GMDS: variants seen among roughly 807,000 people sequenced by gnomAD.
GMDS encodes the protein GDP-mannose 4,6-dehydratase, also known as GDP-mannose 4,6 dehydratase.
In GMDS, 20 loss-of-function variants were observed where a neutral mutation model predicts 49.9. The observed-to-expected ratio is 0.40, with a 90% confidence interval of 0.28 to 0.58. The LOEUF (loss-of-function observed/expected upper bound fraction) is 0.58, where lower values mean the gene tolerates loss of function less well. Ranked by LOEUF, GMDS falls within the 20% of genes least tolerant of loss-of-function variation. The pLI, the probability that GMDS is intolerant of heterozygous loss-of-function variation, is 0.42. For missense variants in GMDS, 362 were observed against 481.4 expected (o/e 0.75, Z 2.32); for synonymous variants, 177 against 178.6 (o/e 0.99, Z 0.07).
At chr6:2,012,102 C>T (rs541131174) in intron 4 of GMDS, among the ~76,000 whole-genome samples, 7 of 152,030 alleles carry the variant, frequency 4.6e-5, no homozygotes, top group East Asian at 1.9e-4. Flanking sequence ...AAAGATATCA[C>T]AGACTTGGAA....
chr6:2,091,627 A>G (rs1478186013), intron 4 of GMDS, among the ~76,000 whole-genome samples: 3 of 152,248 alleles, frequency 2.0e-5, no homozygotes, highest in Admixed American at 6.5e-5. Flanking sequence ...TGCTTGGCAG[A>G]TAAGAATCAG....
intron 4 of GMDS, among the ~76,000 whole-genome samples, chr6:1,983,859 C>A (rs1306397515): frequency 6.6e-6 from 1 of 152,172 alleles, no homozygotes; most frequent in Admixed American, 6.5e-5. Context: ...ATCCAGCAAT[C>A]CCATTACTGG....
At chr6:1,807,023 C>T (rs1175195656) in intron 7 of GMDS, among the ~76,000 whole-genome samples, 4 of 152,018 alleles carry the variant, frequency 2.6e-5, no homozygotes, top group Admixed American at 2.0e-4. Context: ...AGTTTTTATG[C>T]TTTGAAAAAG....
At chr6:1,993,583 C>A (rs913823113) in intron 4 of GMDS, among the ~76,000 whole-genome samples, 2 of 152,168 alleles carry the variant, frequency 1.3e-5, no homozygotes, top group South Asian at 2.1e-4. Flanking sequence ...AAAAGTGCGA[C>A]GGAAGCTCTG....
chr6:1,929,793 A>C (rs1415006590), intron 7 of GMDS, among the ~76,000 whole-genome samples: 1 of 152,212 alleles, frequency 6.6e-6, no homozygotes, highest in Non-Finnish European at 1.5e-5. Flanking sequence ...TTATACCCCC[A>C]AAATAAAGAG....
chr6:1,696,668 C>T (rs2113351662), intron 9 of GMDS, among the ~76,000 whole-genome samples: 1 of 152,312 alleles, frequency 6.6e-6, no homozygotes, highest in African/African-American at 2.4e-5. Context: ...AAGTGAGGCT[C>T]AGAGGGGTTA....
chr6:1,778,496 A>G lies in GMDS; in HGVS notation c.772-35910T>C, dbSNP rs145699031. Among the ~76,000 whole-genome samples the G allele has an allele frequency of 5.3e-4, 80 of 152,290 alleles. 1 individual carries two copies. In the East Asian group the frequency reaches 0.014, roughly 27 times the overall value. On this transcript the variant is annotated intron_variant, in intron 7 of 10. Transcript: ENST00000380815. The surrounding 1 kb of genome is among the most constrained non-coding windows in gnomAD (Gnocchi z 4.6). ...TCAAGAGGAGGGGGCAGCCTTCCTG[A>G]CCTGGAACTTACTCCAGCCTGGAGT...
At chr6:1,672,445 A>G (rs1488596520) in intron 9 of GMDS, among the ~76,000 whole-genome samples, 1 of 152,228 alleles carries the variant, frequency 6.6e-6, no homozygotes, top group Non-Finnish European at 1.5e-5. Flanking sequence ...GAGAGTGATG[A>G]TTCTTCCAAC....
intron 4 of GMDS, among the ~76,000 whole-genome samples, chr6:2,020,902 C>T (rs905710181): frequency 2.0e-5 from 3 of 152,200 alleles, no homozygotes; most frequent in Non-Finnish European, 4.4e-5. Flanking sequence ...AAACTTTAAA[C>T]CCCAGCGCTG....
intron 7 of GMDS, among the ~76,000 whole-genome samples, chr6:1,774,896 G>C (rs1220500346): frequency 1.3e-5 from 2 of 152,252 alleles, no homozygotes; most frequent in Non-Finnish European, 2.9e-5. Context: ...CAGTTCATCA[G>C]AGGCAAGGCC....
chr6:2,067,290 T>TA (rs1414454351), intron 4 of GMDS, among the ~76,000 whole-genome samples: 1 of 152,014 alleles, frequency 6.6e-6, no homozygotes, highest in Non-Finnish European at 1.5e-5. Flanking sequence ...TTTATAGCAC[T>TA]AAATGCCCAC....
intron 3 of GMDS, 49 bp from the exon 4 acceptor site, chr6:2,115,929 T>A: frequency 1.9e-6 from 2 of 1,060,172 alleles, no homozygotes; most frequent in East Asian, 2.4e-5. Context: ...CAACATAAGC[T>A]CAATTTTTAA....
chr6:2,012,864 G>A (rs1433413055), intron 4 of GMDS, among the ~76,000 whole-genome samples: 1 of 152,068 alleles, frequency 6.6e-6, no homozygotes, highest in South Asian at 2.1e-4. Flanking sequence ...GTGAACATCA[G>A]AGAAAACCCC....
At chr6:2,135,456 A>G (rs1775946037) in intron 1 of GMDS, among the ~76,000 whole-genome samples, 2 of 152,208 alleles carry the variant, frequency 1.3e-5, no homozygotes, top group Non-Finnish European at 2.9e-5. Flanking sequence ...TCATGGAGCA[A>G]TCAATCAGCT....
At chr6:1,655,218 G>T (rs1268554605) in intron 9 of GMDS, among the ~76,000 whole-genome samples, 1 of 152,084 alleles carries the variant, frequency 6.6e-6, no homozygotes, top group Non-Finnish European at 1.5e-5. Flanking sequence ...TTCCTTGGGG[G>T]TATCTGAGCC....
chr6:1,999,952 ATGTATAT>A (rs1766584529), intron 4 of GMDS, among the ~76,000 whole-genome samples: 1 of 29,686 alleles, frequency 3.4e-5, no homozygotes, highest in Non-Finnish European at 6.8e-5. Context: ...AATATATAAT[ATGTATAT>A]TATATATATA....
rs556437148 is a variant in GMDS, at chr6:1,703,917, G to A, written c.987+22499C>T. Among the ~76,000 whole-genome samples the A allele has an allele frequency of 1.2e-4, 19 of 152,164 alleles. No individual in the cohort carries two copies. The East Asian group carries it at 3.3e-3, about 26-fold the overall frequency. ...TCTCTTTTCCTTTTCTTTCACCTTC[G>A]GCATTAGCTTCTTGTAAAAATGAAT... is the stretch of plus-strand genomic sequence containing the variant. On this transcript the variant is annotated intron_variant, in intron 9 of 10. Coordinates refer to ENST00000380815, the MANE Select transcript of GMDS (RefSeq NM_001500.4).
At chr6:1,789,150 G>A (rs1423173538) in intron 7 of GMDS, among the ~76,000 whole-genome samples, 6 of 152,238 alleles carry the variant, frequency 3.9e-5, no homozygotes, top group East Asian at 1.9e-4. Context: ...CGGTCTGGAA[G>A]GGCCCCAAAG....
In GMDS at chr6:1,668,661, C is replaced by T. The variant is rs141443101; in HGVS notation, c.988-44121G>A. ...GTCGGAGTTTGCAGTAAGCTGAGACCGCACTACTGCACTCCAGACTGGGCA... is the reference window on the plus strand; with the variant it reads ...GTCGGAGTTTGCAGTAAGCTGAGACTGCACTACTGCACTCCAGACTGGGCA... On this transcript the variant is annotated intron_variant, in intron 9 of 10. Coordinates refer to ENST00000380815, the MANE Select transcript of GMDS (RefSeq NM_001500.4). 6.8e-4 allele frequency among the ~76,000 whole-genome samples: 103 copies of T among 152,124 alleles called. 1 individual carries two copies. The East Asian group carries it at 0.014, about 20-fold the overall frequency.
Sources: gnomAD v4.1 joint callset for allele counts (sites outside exome capture counted in the v4.1 genomes callset) on GRCh38, gnomAD v4.1.1 for gene constraint, Gnocchi (gnomAD v3.1) non-coding constraint, MANE v1.5 for transcripts, NCBI Gene and HGNC (gene_info 2026-07-23, HGNC 2026-07-21) for gene names.